PMM2: variants seen among roughly 807,000 people sequenced by gnomAD.
PMM2 encodes phosphomannomutase 2.
A neutral mutation model predicts 33.2 loss-of-function variants in PMM2; 35 were observed. The observed-to-expected ratio is 1.06, with a 90% CI of 0.81 to 1.40. The LOEUF is 1.40. Among genes scored for constraint, PMM2 ranks in the 40% most tolerant of loss-of-function variants. The probability of loss-of-function intolerance (pLI) is 0.00; values close to 1 mark genes in which losing one functional copy is unlikely to be tolerated. For missense variants in PMM2, 386 were observed against 306.0 expected (o/e 1.26, Z -1.95); for synonymous variants, 153 against 114.7 (o/e 1.33, Z -2.13).
At chr16:8,827,828 A>T (rs1377976203) in intron 7 of PMM2, among the ~76,000 whole-genome samples, 1 of 95,504 alleles carries the variant, frequency 1.0e-5, no homozygotes, top group African/African-American at 3.9e-5. Context: ...AATATATATT[A>T]TATATATTGT....
At chr16:8,804,034 T>TTGTTTG (rs1555449100) in intron 2 of PMM2, among the ~76,000 whole-genome samples, 1 of 115,546 alleles carries the variant, frequency 8.7e-6, no homozygotes, top group Non-Finnish European at 1.7e-5. Context: ...TTTTTTTGTT[T>TTGTTTG]TTTTTTTTTT....
At chr16:8,822,314 C>T (rs2060743319) in intron 7 of PMM2, among the ~76,000 whole-genome samples, 1 of 152,146 alleles carries the variant, frequency 6.6e-6, no homozygotes, top group South Asian at 2.1e-4. Context: ...CAAAATATCT[C>T]AGGCACAATC....
chr16:8,832,811 C>T, intron 7 of PMM2: 12 of 985,398 alleles, frequency 1.2e-5, no homozygotes, highest in Non-Finnish European at 1.4e-5. Context: ...CCAGCCCCTG[C>T]CCATCCTCCC....
chr16:8,819,841 C>G (rs142918719), intron 7 of PMM2, among the ~76,000 whole-genome samples: 3 of 152,348 alleles, frequency 2.0e-5, no homozygotes, highest in Admixed American at 1.3e-4. Flanking sequence ...GCAGCATCCT[C>G]CCTCTTACAG....
At position 8,838,435 on chromosome 16, in the gene PMM2, T is replaced by C. The variant is rs2060866932; in HGVS notation, c.640-9289T>C. On this transcript the variant is annotated intron_variant, in intron 7 of 7. Coordinates refer to ENST00000268261, the MANE Select transcript of PMM2 (RefSeq NM_000303.3). ...TCTTATGTTAATAAGAAAAATAAAATAGTGTTGAAGTATTGGGGCGGTGAA... is the reference window on the plus strand; with the variant it reads ...TCTTATGTTAATAAGAAAAATAAAACAGTGTTGAAGTATTGGGGCGGTGAA... 1.3e-5 allele frequency among the ~76,000 whole-genome samples: 2 copies of C among 151,712 alleles called. 1 individual carries two copies. Among genetic ancestry groups the C allele is most frequent in the Non-Finnish European group, 2.9e-5 (2 of 67,958 alleles).
At chr16:8,831,879 G>A (rs781577190) in intron 7 of PMM2, among the ~76,000 whole-genome samples, 1 of 152,174 alleles carries the variant, frequency 6.6e-6, no homozygotes, top group Non-Finnish European at 1.5e-5. Context: ...TGCCTGTCAG[G>A]TACACTATAA....
chr16:8,836,410 C>A (rs1024954161), intron 7 of PMM2, among the ~76,000 whole-genome samples: 4 of 151,970 alleles, frequency 2.6e-5, no homozygotes, highest in Non-Finnish European at 4.4e-5. Context: ...AGATGGGACG[C>A]GGCTTAGGAG....
Position 8,814,375 on chromosome 16 carries a change from C to T in PMM2, c.639+1269C>T, listed in dbSNP as rs150772795. Among the ~76,000 whole-genome samples, 654 of 152,266 alleles carry T rather than the reference C, an allele frequency of 4.3e-3. 10 individuals are homozygous for T. The highest frequency in any genetic ancestry group is 0.015 in the African/African-American group (622 of 41,556). ...TTGGTTACCTTGCCATCAGCAGGCC[C>T]GTGTCAGGCTTTCTCGCCATCCTGC... is the stretch of plus-strand genomic sequence containing the variant. On this transcript the variant is annotated intron_variant, in intron 7 of 7. Coordinates refer to ENST00000268261, the MANE Select transcript of PMM2 (RefSeq NM_000303.3).
At position 8,818,520 on chromosome 16, in the gene PMM2, T is replaced by C. The variant is rs1448123711; in HGVS notation, c.639+5414T>C. Among the ~76,000 whole-genome samples the C allele has an allele frequency of 2.0e-5, 3 of 152,228 alleles. No individual in the cohort carries two copies. The East Asian group carries it at 5.8e-4, about 29-fold the overall frequency. On this transcript the variant is annotated intron_variant, in intron 7 of 7. Transcript: ENST00000268261. ...CATTTAGAAAGCTGGGGTTTTTTCC[T>C]TTCCTAATGAAGTTTGATGTTTTTG...
At chr16:8,843,683 A>C (rs1352290394) in intron 7 of PMM2, among the ~76,000 whole-genome samples, 1 of 152,134 alleles carries the variant, frequency 6.6e-6, no homozygotes, top group African/African-American at 2.4e-5. Context: ...CTATTATTGT[A>C]CACCTTGAAG....
Position 8,806,398 on chromosome 16 carries a change from C to T in PMM2, c.338C>T (p.Pro113Leu), listed in dbSNP as rs80338700. The change falls in exon 4 of 8, where the codon CCG becomes CTG. Residue 113 changes from proline to leucine, a missense_variant. Pro to Leu is a moderately conservative substitution (Grantham distance 98). Transcript: ENST00000268261. Reference sequence around the variant, plus strand: ...AGCTACATTGCGAAAATTAAACTCCCGAAGAAGAGGTGGGTTTGCTTTTAA... The same window carrying T: ...AGCTACATTGCGAAAATTAAACTCCTGAAGAAGAGGTGGGTTTGCTTTTAA... ...CLSYIAKIKLPKKRGTFIEFR... is the reference protein window; with the variant it reads ...CLSYIAKIKLLKKRGTFIEFR... 29 of 1,609,178 alleles carry T rather than the reference C, an allele frequency of 1.8e-5. No individual in the cohort carries two copies. The highest frequency in any genetic ancestry group is 1.4e-4 in the South Asian group (13 of 90,984).
intron 7 of PMM2, among the ~76,000 whole-genome samples, chr16:8,833,665 T>G (rs1267242386): frequency 1.3e-5 from 2 of 150,838 alleles, no homozygotes; most frequent in African/African-American, 4.9e-5. Flanking sequence ...GGTGATATTG[T>G]GGGGATGTTA....
At chr16:8,829,288 TG>T (rs1190625378) in intron 7 of PMM2, 1 of 152,330 alleles carries the variant, frequency 6.6e-6, no homozygotes, top group Non-Finnish European at 1.5e-5. Flanking sequence ...CCTTTTTGCC[TG>T]CATGTCAGGT....
chr16:8,803,534 A>C (rs1167431743), intron 2 of PMM2, among the ~76,000 whole-genome samples: 1 of 152,230 alleles, frequency 6.6e-6, no homozygotes, highest in Non-Finnish European at 1.5e-5. Context: ...GCTTATTAAA[A>C]TATGAGTGTG....
At chr16:8,838,455 G>A (rs1186296636) in intron 7 of PMM2, among the ~76,000 whole-genome samples, 3 of 151,848 alleles carry the variant, frequency 2.0e-5, no homozygotes, top group East Asian at 1.9e-4. Flanking sequence ...GTATTGGGGC[G>A]GTGAAAATTT....
intron 1 of PMM2, among the ~76,000 whole-genome samples, chr16:8,800,985 A>G (rs1596483672): frequency 6.6e-6 from 1 of 152,200 alleles, no homozygotes; most frequent in African/African-American, 2.4e-5. Flanking sequence ...GTCTGGCCCT[A>G]AGCTTCCTCT....
intron 6 of PMM2, 79 bp downstream of exon 6, chr16:8,811,792 A>G: frequency 1.0e-6 from 1 of 971,104 alleles, no homozygotes; most frequent in Non-Finnish European, 1.7e-6. Flanking sequence ...GCTATTGATA[A>G]TGAAGTATGT....
chr16:8,832,700 G>A (rs919950354), intron 7 of PMM2: 1 of 985,426 alleles, frequency 1.0e-6, no homozygotes, highest in Non-Finnish European at 1.2e-6. Context: ...AGATCCTGTT[G>A]TAAAGTAATC....
intron 7 of PMM2, among the ~76,000 whole-genome samples, chr16:8,823,874 C>A (rs1007247855): frequency 1.3e-5 from 2 of 152,178 alleles, no homozygotes; most frequent in African/African-American, 4.8e-5. Flanking sequence ...TCTATTGGCT[C>A]TGTTAGTCAA....
Sources: allele counts gnomAD v4.1 joint callset (sites outside exome capture counted in the v4.1 genomes callset), GRCh38; gene constraint gnomAD v4.1.1; transcripts MANE v1.5; gene names NCBI Gene and HGNC (gene_info 2026-07-23, HGNC 2026-07-21).